Variants in IL15 observed in about 807,000 individuals in gnomAD.
IL15 encodes the protein interleukin 15.
IL15 carries 11 observed loss-of-function variants against 19.6 expected under a neutral mutation model. That is an observed-to-expected ratio of 0.56 (90% CI 0.35 to 0.93). The LOEUF is 0.93. Ranked by LOEUF, IL15 falls within the 40% of genes least tolerant of loss-of-function variation. The pLI, the probability that IL15 is intolerant of heterozygous loss-of-function variation, is 0.01. For synonymous variants in IL15, 58 were observed against 59.6 expected, an observed-to-expected ratio of 0.97 and a Z score of 0.12; for missense variants, 197 against 186.5, an observed-to-expected ratio of 1.06 and a Z score of -0.33.
chr4:141,663,492 A>T (rs572291165), intron 2 of IL15, among the ~76,000 whole-genome samples: 5 of 152,328 alleles, frequency 3.3e-5, no homozygotes, highest in African/African-American at 1.2e-4. Flanking sequence ...TGGAATGTTT[A>T]TGGAGACTTC....
At chr4:141,665,764 T>TTCCCCTACATA (rs1353142523) in intron 2 of IL15, among the ~76,000 whole-genome samples, 2 of 152,142 alleles carry the variant, frequency 1.3e-5, no homozygotes, top group Non-Finnish European at 2.9e-5. Flanking sequence ...ATTAGGTAAT[T>TTCCCCTACATA]TCCCCTACAT....
intron 2 of IL15, among the ~76,000 whole-genome samples, chr4:141,683,382 G>A (rs969554815): frequency 6.6e-6 from 1 of 151,678 alleles, no homozygotes; most frequent in African/African-American, 2.4e-5. Flanking sequence ...ACCCGCCTGC[G>A]CAACACGGTG....
At chr4:141,653,551 C>G (rs752565288) in intron 1 of IL15, among the ~76,000 whole-genome samples, 5 of 152,110 alleles carry the variant, frequency 3.3e-5, no homozygotes, top group Non-Finnish European at 5.9e-5. Context: ...TAACCATCCC[C>G]CTTTCTGAAA....
At chr4:141,721,125 C>T (rs958871514) in intron 4 of IL15, 10 of 1,521,274 alleles carry the variant, frequency 6.6e-6, no homozygotes, top group Non-Finnish European at 8.1e-6. Flanking sequence ...ACTCTCAGTT[C>T]AGTTTTACTC....
intron 2 of IL15, among the ~76,000 whole-genome samples, chr4:141,687,337 C>G (rs1206304942): frequency 6.6e-6 from 1 of 152,166 alleles, no homozygotes; most frequent in Non-Finnish European, 1.5e-5. Flanking sequence ...CAGGTAAGGT[C>G]CAAAATCTCC....
chr4:141,695,058 A>G (rs1729046683), intron 2 of IL15, among the ~76,000 whole-genome samples: 2 of 152,094 alleles, frequency 1.3e-5, no homozygotes, highest in Admixed American at 6.5e-5. Context: ...TAGTTCCTCA[A>G]TATGGTAGCC....
Position 141,718,484 on chromosome 4 carries a change from C to A in IL15, c.-99-882C>A, listed in dbSNP as rs148856041. 293 of 152,220 alleles carry A rather than the reference C, an allele frequency of 1.9e-3. 2 individuals carry two copies. Among genetic ancestry groups the A allele is most frequent in the African/African-American group, 6.4e-3 (266 of 41,548 alleles). 9.4% of individuals were successfully genotyped at this position (152,220 alleles called of 1,614,324 possible). A position where few individuals can be genotyped will look rare whatever the true frequency, so the allele number is the denominator to read the frequency against. ...AAACCAATCAATGAGTGATTTAGAT[C>A]ATATGTAACAGGAATATTAGATTTG... On this transcript the variant is annotated intron_variant, in intron 2 of 7. Coordinates refer to ENST00000320650, the MANE Select transcript of IL15 (RefSeq NM_000585.5).
intron 2 of IL15, among the ~76,000 whole-genome samples, chr4:141,713,042 T>C (rs1729760931): frequency 6.6e-6 from 1 of 152,150 alleles, no homozygotes; most frequent in East Asian, 1.9e-4. Flanking sequence ...TGAATGAATT[T>C]TTAAAAATCA....
intron 2 of IL15, among the ~76,000 whole-genome samples, chr4:141,711,610 C>T (rs1729720412): frequency 6.6e-6 from 1 of 152,086 alleles, no homozygotes; most frequent in South Asian, 2.1e-4. Context: ...ACAAGAATTT[C>T]ACATTTTTGC....
At position 141,715,335 on chromosome 4, in the gene IL15, A is replaced by G. The variant is rs1333382217; in HGVS notation, c.-99-4031A>G. The G allele has an allele frequency of 2.6e-5, 4 of 152,172 alleles. No homozygotes were observed. In the East Asian group the frequency reaches 7.7e-4, roughly 29 times the overall value. The allele number at this position is 152,172 out of a possible 1,614,324, so 9.4% of individuals were successfully genotyped here. On this transcript the variant is annotated intron_variant, in intron 2 of 7. Transcript: ENST00000320650. ...TTTTCTGTCCCTTAGACTCATAGCC[A>G]CACAGTTGCCTCTGCCCTAGCTATT...
chr4:141,681,867 T>C (rs1420358184), intron 2 of IL15, among the ~76,000 whole-genome samples: 1 of 152,226 alleles, frequency 6.6e-6, no homozygotes, highest in Non-Finnish European at 1.5e-5. Context: ...CCGTTGGTTG[T>C]ATATAACTCA....
intron 2 of IL15, among the ~76,000 whole-genome samples, chr4:141,703,242 C>G (rs1356929715): frequency 6.6e-6 from 1 of 152,170 alleles, no homozygotes; most frequent in South Asian, 2.1e-4. Context: ...GCCCTCAAGG[C>G]TGGTCAGCAG....
At chr4:141,701,238 G>A (rs1027826654) in intron 2 of IL15, among the ~76,000 whole-genome samples, 2 of 150,926 alleles carry the variant, frequency 1.3e-5, no homozygotes, top group African/African-American at 4.9e-5. Context: ...CATTTGGGTA[G>A]ACTATTTCTT....
At chr4:141,719,258 A>G (rs1729991134) in intron 2 of IL15, 108 bp from the exon 3 acceptor site, 2 of 444,182 alleles carry the variant, frequency 4.5e-6, no homozygotes, top group East Asian at 7.1e-5. Flanking sequence ...CTGTTAAGTA[A>G]CTAATAGAGT....
chr4:141,649,070 C>T (rs1350501740), intron 1 of IL15, among the ~76,000 whole-genome samples: 1 of 152,054 alleles, frequency 6.6e-6, no homozygotes. Flanking sequence ...TGCCCCTAAA[C>T]ACAACACACT....
intron 4 of IL15, chr4:141,721,444 A>G: frequency 1.6e-6 from 1 of 615,994 alleles, no homozygotes; most frequent in Non-Finnish European, 3.0e-6. Flanking sequence ...AGTGTGAGCA[A>G]CATGAAAGGG....
chr4:141,697,027 T>C (rs993243146), intron 2 of IL15, among the ~76,000 whole-genome samples: 15 of 152,098 alleles, frequency 9.9e-5, no homozygotes, highest in Admixed American at 9.2e-4. Context: ...GAGGTTCCAT[T>C]TATTTATTTT....
chr4:141,649,392 C>A (rs1471077715), intron 1 of IL15, among the ~76,000 whole-genome samples: 1 of 151,960 alleles, frequency 6.6e-6, no homozygotes, highest in Non-Finnish European at 1.5e-5. Flanking sequence ...ACTGAAGCAC[C>A]AGGAAGTGTG....
At chr4:141,703,384 G>A (rs1169599693) in intron 2 of IL15, among the ~76,000 whole-genome samples, 1 of 152,130 alleles carries the variant, frequency 6.6e-6, no homozygotes, top group Non-Finnish European at 1.5e-5. Flanking sequence ...TTTCTTGAGG[G>A]CTCCTGTGAG....
Sources: allele counts gnomAD v4.1 joint callset (sites outside exome capture counted in the v4.1 genomes callset), GRCh38; gene constraint gnomAD v4.1.1; transcripts MANE v1.5; gene names NCBI Gene and HGNC (gene_info 2026-07-23, HGNC 2026-07-21).